FBXO3: variants seen among roughly 807,000 people sequenced by gnomAD.
The protein encoded by FBXO3 is F-box only protein 3.
In FBXO3, 17 loss-of-function variants were observed where a neutral mutation model predicts 64.8. The observed-to-expected ratio is 0.26, with a 90% confidence interval of 0.18 to 0.39. The LOEUF is 0.39. Among genes scored for constraint, FBXO3 ranks in the 10% least tolerant of loss-of-function variants. The pLI is 1.00. For synonymous variants in FBXO3, 182 were observed against 201.6 expected (o/e 0.90, Z 0.82); for missense variants, 420 against 589.9 (o/e 0.71, Z 2.98).
At position 33,768,822 on chromosome 11, in the gene FBXO3, C is replaced by T. The variant is rs190001510; in HGVS notation, c.358+29G>A. 1,315 of 1,613,106 alleles carry T rather than the reference C, an allele frequency of 8.2e-4. 2 individuals are homozygous for T. The highest frequency in any genetic ancestry group is 8.6e-4 in the Non-Finnish European group (1,019 of 1,179,242). ...CTATTTATACTAACAGTAATGGAAA[C>T]GGGGAAAGGGACCCTGAATTCCCAG... On this transcript the variant is annotated intron_variant, in intron 3 of 10. Transcript: ENST00000265651.
At chr11:33,749,255 C>G (rs146320679) in intron 8 of FBXO3, among the ~76,000 whole-genome samples, 69 of 152,270 alleles carry the variant, frequency 4.5e-4, no homozygotes, top group African/African-American at 1.6e-3. Context: ...TTCCGGAGAA[C>G]TGAAAGTCTC....
At chr11:33,747,361 C>A in intron 9 of FBXO3, 41 bp from the exon 10 acceptor site, 1 of 1,487,060 alleles carries the variant, frequency 6.7e-7, no homozygotes, top group South Asian at 1.2e-5. Flanking sequence ...GTATAAAATT[C>A]ATTTCTTTAT....
At chr11:33,767,376 C>T (rs4755987) in intron 3 of FBXO3, among the ~76,000 whole-genome samples, 151,231 of 152,312 alleles carry the variant, frequency 0.99, 75,092 homozygotes, top group Middle Eastern at 1. Flanking sequence ...CTCGGCTCAC[C>T]GCAAGCTCCG....
At chr11:33,773,713 G>A (rs1443375068) in intron 1 of FBXO3, 1 of 152,322 alleles carries the variant, frequency 6.6e-6, no homozygotes, top group Non-Finnish European at 1.5e-5. Flanking sequence ...TGGAACAGAT[G>A]CTAGTAATGT....
At chr11:33,742,116 G>T in intron 10 of FBXO3, 32 bp from the exon 11 acceptor site, 1 of 1,488,324 alleles carries the variant, frequency 6.7e-7, no homozygotes, top group African/African-American at 1.4e-5. Flanking sequence ...TTGATAAGAA[G>T]AGCATCTATC....
intron 2 of FBXO3, 89 bp from the exon 3 acceptor site, chr11:33,769,103 T>C (rs1158225963): frequency 1.5e-4 from 165 of 1,083,838 alleles, no homozygotes; most frequent in Non-Finnish European, 2.1e-4. Context: ...AAACTTGTAC[T>C]TTTCCCTTCC....
chr11:33,753,749 C>G (rs1016939819), intron 6 of FBXO3: 2 of 152,174 alleles, frequency 1.3e-5, no homozygotes, highest in Non-Finnish European at 2.9e-5. Context: ...ACAAATGCCT[C>G]AGTCTACAAG....
Position 33,750,653 on chromosome 11 carries a change from T to C in FBXO3, c.818A>G (p.His273Arg). 2.5e-6 allele frequency: 4 copies of C among 1,613,000 alleles called. No homozygotes were observed. The highest frequency in any genetic ancestry group is 3.4e-6 in the Non-Finnish European group (4 of 1,179,224). ...IIRDQIFRYV[H>R]DPECVATTGD... Reference sequence around the variant, plus strand: ...AGTTGTTGCTACACATTCTGGATCGTGAACATATCTAGGTAATTTAAAAAT... The same window carrying C: ...AGTTGTTGCTACACATTCTGGATCGCGAACATATCTAGGTAATTTAAAAAT... Residue 273 changes from histidine (H) to arginine (R), a missense_variant, in exon 8 of 11, where the codon CAC becomes CGC. His to Arg is a conservative substitution (Grantham distance 29). This residue lies in a region of FBXO3 where 337 missense variants were observed against 518.4 expected (regional missense o/e 0.65). Transcript: ENST00000265651.
At chr11:33,770,944 C>T in intron 1 of FBXO3, 114 bp from the exon 2 acceptor site, 1 of 730,638 alleles carries the variant, frequency 1.4e-6, no homozygotes, top group Non-Finnish European at 2.2e-6. Flanking sequence ...TTACTTTTCA[C>T]TTATTACCCT....
chr11:33,770,990 C>T, intron 1 of FBXO3, 160 bp from the exon 2 acceptor site: 1 of 540,406 alleles, frequency 1.9e-6, no homozygotes, highest in Non-Finnish European at 3.2e-6. Context: ...ACCTGTTTAA[C>T]ATGTTAAGTA....
At chr11:33,748,999 A>C in intron 8 of FBXO3, 107 bp from the exon 9 acceptor site, 1 of 550,426 alleles carries the variant, frequency 1.8e-6, no homozygotes, top group South Asian at 3.9e-5. Context: ...TTTCCAAAAA[A>C]TTAAGAAACC....
At chr11:33,763,403 A>T (rs145689767) in intron 3 of FBXO3, 2,982 of 237,794 alleles carry the variant, frequency 0.013, 29 homozygotes, top group Middle Eastern at 0.025. Flanking sequence ...AAGATAATAT[A>T]TTACAATCAA....
At chr11:33,759,237 A>C (rs1322685603) in intron 3 of FBXO3, among the ~76,000 whole-genome samples, 4 of 152,228 alleles carry the variant, frequency 2.6e-5, no homozygotes, top group Non-Finnish European at 5.9e-5. Flanking sequence ...TCACAACGGT[A>C]GGGGAGAGGG....
intron 1 of FBXO3, chr11:33,772,275 A>G (rs569852684): frequency 1.3e-5 from 2 of 152,198 alleles, no homozygotes; most frequent in Non-Finnish European, 2.9e-5. Context: ...GCTGCAATAC[A>G]CTGGATACTT....
rs76052967 is a variant in FBXO3, at chr11:33,770,341, C to T, written c.194+400G>A. 1.8e-3 allele frequency among the ~76,000 whole-genome samples: 274 copies of T among 152,314 alleles called. 1 individual carries two copies. Among genetic ancestry groups the T allele is most frequent in the African/African-American group, 6.4e-3 (268 of 41,560 alleles). ...CATTTCTTCCACCTTTCTCAACTCC[C>T]ACTTTCTGTCATCTGTACTTTGATT... On this transcript the variant is annotated intron_variant, in intron 2 of 10. Transcript: ENST00000265651.
intron 1 of FBXO3, chr11:33,774,114 C>A: frequency 5.4e-6 from 2 of 367,574 alleles, no homozygotes; most frequent in Non-Finnish European, 1.0e-5. Context: ...AGGGCCACTA[C>A]CTCCTTCTCT....
chr11:33,754,530 A>C (rs2133603417), intron 5 of FBXO3, 30 bp from the exon 6 acceptor site: 1 of 1,542,678 alleles, frequency 6.5e-7, no homozygotes, highest in East Asian at 2.3e-5. Flanking sequence ...CAATCGATAA[A>C]AACACATTTT....
At chr11:33,751,973 A>T (rs550075211) in intron 6 of FBXO3, among the ~76,000 whole-genome samples, 4 of 152,268 alleles carry the variant, frequency 2.6e-5, no homozygotes, top group African/African-American at 4.8e-5. Flanking sequence ...TACAGCTATG[A>T]CTAGGAAGAA....
intron 8 of FBXO3, 150 bp downstream of exon 8, chr11:33,750,389 A>G (rs766270887): frequency 1.5e-5 from 12 of 810,360 alleles, no homozygotes; most frequent in Non-Finnish European, 2.1e-5. Context: ...CATGAACACT[A>G]TCTTGTAGAA....
Sources: gnomAD v4.1 joint callset for allele counts (sites outside exome capture counted in the v4.1 genomes callset) on GRCh38, gnomAD v4.1.1 for gene constraint, gnomAD v4.1.1 regional missense constraint, MANE v1.5 for transcripts, NCBI Gene and HGNC (gene_info 2026-07-23, HGNC 2026-07-21) for gene names.